The following TUBA4B variants were observed in gnomAD, a reference collection of about 807,000 sequenced individuals.
TUBA4B encodes the protein tubulin alpha 4b.
In TUBA4B, 13 loss-of-function variants were observed where a neutral mutation model predicts 18.4. The ratio of observed to expected loss-of-function variants is 0.71; its 90% CI spans 0.46 to 1.12. The LOEUF (loss-of-function observed/expected upper bound fraction) is 1.12. TUBA4B is among the 50% of genes most tolerant of loss of function. The pLI, the probability that TUBA4B is intolerant of heterozygous loss-of-function variation, is 0.00. For synonymous variants in TUBA4B, 101 were observed against 99.1 expected, an observed-to-expected ratio of 1.02 and a Z score of -0.11; for missense variants, 244 against 250.0, an observed-to-expected ratio of 0.98 and a Z score of 0.16.
At chr2:219,267,439 C>T (rs964685673) in intron 2 of TUBA4B, among the ~76,000 whole-genome samples, 6 of 152,086 alleles carry the variant, frequency 3.9e-5, no homozygotes, top group African/African-American at 9.7e-5. Context: ...CAACACAGGC[C>T]GCCGGCTATG....
In TUBA4B at chr2:219,271,594, C is replaced by T; in HGVS notation, c.621C>T (p.Pro207=). ...TGTCCTACCTCACATCCACTTCCCC[C>T]TGGCCACCTATGCACCAGTCATCTC... ...NLVSYLTSTS[P]WPPMHQSSLQ... Residue 207 remains proline (P), a synonymous_variant, in exon 4 of 4, where the codon CCC becomes CCT. Transcript: ENST00000490341. 1 of 1,614,194 alleles carries T rather than the reference C, an allele frequency of 6.2e-7. No homozygotes were observed. Among genetic ancestry groups the T allele is most frequent in the Non-Finnish European group, 8.5e-7 (1 of 1,180,006 alleles).
At chr2:219,259,682 C>G (rs2125074656) in intron 1 of TUBA4B, among the ~76,000 whole-genome samples, 1 of 152,196 alleles carries the variant, frequency 6.6e-6, no homozygotes, top group South Asian at 2.1e-4. Flanking sequence ...CTTTTCTGAC[C>G]CCTTCCCAGG....
chr2:219,260,799 G>A (rs369328410), intron 1 of TUBA4B, among the ~76,000 whole-genome samples: 36 of 152,038 alleles, frequency 2.4e-4, no homozygotes, highest in African/African-American at 8.2e-4. Flanking sequence ...ATGGTGAAAC[G>A]CCGTCTCTAC....
chr2:219,270,141 G>A (rs1196356384), intron 2 of TUBA4B, 61 bp from the exon 3 acceptor site: 1 of 687,426 alleles, frequency 1.5e-6, no homozygotes, highest in Non-Finnish European at 2.7e-6. Context: ...GGCTCCAGCA[G>A]CTGGATTGCA....
chr2:219,270,070 TAGC>T, intron 2 of TUBA4B, 129 bp from the exon 3 acceptor site: 1 of 623,216 alleles, frequency 1.6e-6, no homozygotes, highest in East Asian at 2.7e-5. Flanking sequence ...AAGCAGGTAA[TAGC>T]AGCAGCCTGA....
At chr2:219,264,840 G>C (rs767988391) in intron 1 of TUBA4B, among the ~76,000 whole-genome samples, 12 of 152,208 alleles carry the variant, frequency 7.9e-5, no homozygotes, top group Non-Finnish European at 1.3e-4. Context: ...GCTAATGGGG[G>C]GCTACTGTGG....
rs1420915185 is a variant in TUBA4B at position 219,269,494 on chromosome 2, G to A, written c.59-708G>A. On this transcript the variant is annotated intron_variant, in intron 2 of 3. Transcript: ENST00000490341. ...CAGTAAATGCTTAGATGCAGGAGGCGAGGCAAGCAGAGTAGAGTCCAGGAA... is the reference window on the plus strand; with the variant it reads ...CAGTAAATGCTTAGATGCAGGAGGCAAGGCAAGCAGAGTAGAGTCCAGGAA... 6.6e-5 allele frequency among the ~76,000 whole-genome samples: 10 copies of A among 152,322 alleles called. No individual in the cohort carries two copies. In the South Asian group the frequency reaches 1.0e-3, roughly 16 times the overall value.
At chr2:219,270,461 A>C in intron 3 of TUBA4B, 126 bp downstream of exon 3, 1 of 638,784 alleles carries the variant, frequency 1.6e-6, no homozygotes, top group East Asian at 2.7e-5. Context: ...ATCAGGACCA[A>C]TGAGGAGAGG....
Position 219,257,189 on chromosome 2 carries a change from A to G in TUBA4B, c.12+3770A>G, listed in dbSNP as rs1951726292. ...CTCCCGAGTAGCTGGGACTACAGGC[A>G]TGTCCCACCACTCCTGGCTAATTTT... On this transcript the variant is annotated intron_variant, in intron 1 of 3. Coordinates refer to ENST00000490341, the MANE Select transcript of TUBA4B (RefSeq NM_001355221.1). Among the ~76,000 whole-genome samples, 12 of 151,390 alleles carry G rather than the reference A, an allele frequency of 7.9e-5. 1 individual carries two copies. The South Asian group carries it at 2.5e-3, about 32-fold the overall frequency.
rs769483849 is a variant in TUBA4B at position 219,253,395 on chromosome 2, A to G, written c.-13A>G. ...CTGTGGATAGTTGGAATGCATACAC[A>G]GAGGAAAGGGGGATGCGGCACCAGG... On this transcript the variant is annotated 5_prime_UTR_variant, in exon 1 of 4. Transcript: ENST00000490341. 2.0e-6 allele frequency: 3 copies of G among 1,534,056 alleles called. No individual in the cohort carries two copies. The highest frequency in any genetic ancestry group is 2.4e-5 in the South Asian group (2 of 84,012).
At chr2:219,253,959 G>GCC (rs1559278018) in intron 1 of TUBA4B, 2 of 1,147,208 alleles carry the variant, frequency 1.7e-6, no homozygotes, top group African/African-American at 3.3e-5. Flanking sequence ...GCGGGGGGGG[G>GCC]GCGGGGCCCG....
Position 219,271,454 on chromosome 2 carries a change from C to G in TUBA4B, c.481C>G (p.Pro161Ala). 6.2e-7 allele frequency: 1 copy of G among 1,614,142 alleles called. No individual in the cohort carries two copies. The highest frequency in any genetic ancestry group is 8.5e-7 in the Non-Finnish European group (1 of 1,180,012). Residue 161 changes from proline (P) to alanine (A), a missense_variant, in exon 4 of 4, where the codon CCA becomes GCA. By Grantham distance (27) the Pro-to-Ala change is conservative. Transcript: ENST00000490341. ...ICHCNLDIER[P>A]TYTNLNRLIS... The stretch of plus-strand genomic sequence containing the variant: ...CCACTGCAACCTAGACATCGAGCGC[C>G]CAACCTACACCAACCTCAATCGCCT...
intron 2 of TUBA4B, 106 bp from the exon 3 acceptor site, chr2:219,270,096 G>T: frequency 1.6e-6 from 1 of 640,268 alleles, no homozygotes; most frequent in Non-Finnish European, 2.8e-6. Context: ...GCAGAACCTG[G>T]GACCCGGTGA....
chr2:219,262,964 C>T (rs2125075609), intron 1 of TUBA4B, among the ~76,000 whole-genome samples: 1 of 152,148 alleles, frequency 6.6e-6, no homozygotes, highest in Non-Finnish European at 1.5e-5. Context: ...TTGCTTGAAC[C>T]CGGGAGGCGG....
intron 1 of TUBA4B, among the ~76,000 whole-genome samples, chr2:219,261,380 T>G (rs1951758777): frequency 6.6e-6 from 1 of 152,212 alleles, no homozygotes; most frequent in African/African-American, 2.4e-5. Flanking sequence ...CCTAGCAGAC[T>G]TCCCCCTTCT....
chr2:219,268,219 C>T (rs192273334), intron 2 of TUBA4B, among the ~76,000 whole-genome samples: 100 of 151,318 alleles, frequency 6.6e-4, no homozygotes, highest in Non-Finnish European at 1.1e-3. Flanking sequence ...AGCAATTCTC[C>T]TGCCTCAGCC....
At chr2:219,261,227 G>A (rs1951757907) in intron 1 of TUBA4B, among the ~76,000 whole-genome samples, 1 of 152,184 alleles carries the variant, frequency 6.6e-6, no homozygotes, top group Admixed American at 6.5e-5. Context: ...CATCCTCAAA[G>A]AGCGGGTGAC....
rs1045826438 is a variant in TUBA4B at position 219,253,767 on chromosome 2, G to C, written c.12+348G>C. ...CTCCTGGAGACCCGGAACGCCCGGT[G>C]GAGGTCCCCGAGCATGCCTGGAAGA... On this transcript the variant is annotated intron_variant, in intron 1 of 3. Coordinates refer to ENST00000490341, the MANE Select transcript of TUBA4B (RefSeq NM_001355221.1). The C allele has an allele frequency of 2.7e-6, 4 of 1,472,132 alleles. No homozygotes were observed. In the African/African-American group the frequency reaches 5.6e-5, roughly 21 times the overall value. 91.2% of individuals were successfully genotyped at this position (1,472,132 alleles called of 1,614,324 possible).
intron 1 of TUBA4B, among the ~76,000 whole-genome samples, chr2:219,255,974 A>G (rs1951716383): frequency 6.6e-6 from 1 of 151,894 alleles, no homozygotes; most frequent in Non-Finnish European, 1.5e-5. Context: ...TAAAAAGAAA[A>G]CTGACAGGGG....
Sources: gnomAD v4.1 joint callset for allele counts (sites outside exome capture counted in the v4.1 genomes callset) on GRCh38, gnomAD v4.1.1 for gene constraint, MANE v1.5 for transcripts, NCBI Gene and HGNC (gene_info 2026-07-23, HGNC 2026-07-21) for gene names.